The following CDH5 variants were observed in gnomAD, a reference collection of about 807,000 sequenced individuals.
CDH5 encodes the protein cadherin-5.
Under a neutral mutation model 62.0 loss-of-function variants are expected in CDH5, and 28 were observed. That is an observed-to-expected ratio of 0.45 (90% CI 0.33 to 0.62). The LOEUF is 0.62. CDH5 is among the 20% of genes least tolerant of loss of function. The pLI is 0.02. For synonymous variants in CDH5, 464 were observed against 445.8 expected (o/e 1.04, Z -0.52); for missense variants, 940 against 1,065.1 (o/e 0.88, Z 1.63).
chr16:66,403,979 G>A lies in CDH5; in HGVS notation c.*810G>A, dbSNP rs553864364. The A allele has an allele frequency of 3.7e-4, 56 of 152,880 alleles. No individual in the cohort carries two copies. Among genetic ancestry groups the A allele is most frequent in the Admixed American group, 7.8e-4 (12 of 15,310 alleles). 9.5% of individuals were successfully genotyped at this position (152,880 alleles called of 1,614,324 possible). Reference sequence around the variant, plus strand: ...ACCCACCCCCTCTGGAGAAGGCCTGGAAGAGCTGAGACCTTGCTTTGAGAC... The same window carrying A: ...ACCCACCCCCTCTGGAGAAGGCCTGAAAGAGCTGAGACCTTGCTTTGAGAC... On this transcript the variant is annotated 3_prime_UTR_variant, in exon 12 of 12. Coordinates refer to ENST00000341529, the MANE Select transcript of CDH5 (RefSeq NM_001795.5). This position sits in a 1 kb window ranked among gnomAD's most constrained non-coding sequence, Gnocchi z 4.3.
At chr16:66,366,862 C>T (rs974378400) in intron 1 of CDH5, 104 bp downstream of exon 1, 1 of 152,348 alleles carries the variant, frequency 6.6e-6, no homozygotes, top group African/African-American at 2.4e-5. Context: ...CATCGTCCCA[C>T]TCCCATGACA....
chr16:66,381,770 C>A (rs918292333), intron 2 of CDH5, among the ~76,000 whole-genome samples: 4 of 152,186 alleles, frequency 2.6e-5, no homozygotes, highest in African/African-American at 9.7e-5. Flanking sequence ...CCTGGACTTG[C>A]AAATAAAGTT....
At chr16:66,379,779 G>C (rs1960854578) in intron 2 of CDH5, among the ~76,000 whole-genome samples, 2 of 151,614 alleles carry the variant, frequency 1.3e-5, no homozygotes, top group African/African-American at 4.8e-5. Context: ...GTGAGGATGG[G>C]AAAGGCCAAG....
chr16:66,368,367 T>C (rs904881381), intron 1 of CDH5, among the ~76,000 whole-genome samples: 2 of 152,152 alleles, frequency 1.3e-5, no homozygotes, highest in African/African-American at 2.4e-5. Context: ...TTTCAGCTTA[T>C]GGTGGTGAGG....
Position 66,389,376 on chromosome 16 carries a change from C to A in CDH5, c.635C>A (p.Thr212Lys). The change falls in exon 5 of 12, where the codon ACG becomes AAG. Residue 212 changes from threonine (T) to lysine (K), a missense_variant. Thr to Lys is a moderately conservative substitution (Grantham distance 78). Coordinates refer to ENST00000341529, the MANE Select transcript of CDH5 (RefSeq NM_001795.5). ...TTTGCAGGACGTATTATCACAATAA[C>A]GAAAAGCTTGGACCGAGAGAAGCAG... ...IDNSGRIITI[T>K]KSLDREKQAR... 1 of 1,611,612 alleles carries A rather than the reference C, an allele frequency of 6.2e-7. No homozygotes were observed. The highest frequency in any genetic ancestry group is 8.5e-7 in the Non-Finnish European group (1 of 1,178,496).
intron 7 of CDH5, 83 bp downstream of exon 7, chr16:66,392,466 A>C: frequency 6.4e-7 from 1 of 1,552,322 alleles, no homozygotes; most frequent in Admixed American, 1.7e-5. Flanking sequence ...GCCAGGACTC[A>C]GAGAGGGGAA....
intron 2 of CDH5, among the ~76,000 whole-genome samples, chr16:66,382,958 G>A (rs998562114): frequency 2.6e-5 from 4 of 152,150 alleles, no homozygotes; most frequent in Non-Finnish European, 5.9e-5. Flanking sequence ...TAAATACAGT[G>A]ATCTTAGAAA....
rs767815644 is a variant in CDH5 at position 66,389,450 on chromosome 16, G to A, written c.709G>A (p.Gly237Arg). The A allele has an allele frequency of 1.9e-6, 3 of 1,613,316 alleles. No individual in the cohort carries two copies. The highest frequency in any genetic ancestry group is 3.3e-5 in the Admixed American group (2 of 59,946). ...VEARDAQGLRGDSGTATVLVT... is the reference protein window; with the variant it reads ...VEARDAQGLRRDSGTATVLVT... ...AGCGCGAGATGCCCAGGGCCTCCGG[G>A]GGGACTCGGGCACGGCCACCGTGCT... Residue 237 changes from glycine (G) to arginine (R), a missense_variant, in exon 5 of 12, where the codon GGG becomes AGG. Transcript: ENST00000341529.
chr16:66,375,543 A>AAAAAAT (rs1050740953), intron 1 of CDH5, among the ~76,000 whole-genome samples: 1 of 151,936 alleles, frequency 6.6e-6, no homozygotes, highest in Non-Finnish European at 1.5e-5. Context: ...ATAAAAAAGT[A>AAAAAAT]AAAAATAAAA....
At chr16:66,391,414 G>T (rs1372771245) in intron 6 of CDH5, among the ~76,000 whole-genome samples, 2 of 152,016 alleles carry the variant, frequency 1.3e-5, no homozygotes, top group Non-Finnish European at 2.9e-5. Context: ...GGCTTCCTGA[G>T]GGATGAGTAG....
chr16:66,371,799 GA>G (rs1960696703), intron 1 of CDH5, among the ~76,000 whole-genome samples: 1 of 152,042 alleles, frequency 6.6e-6, no homozygotes, highest in South Asian at 2.1e-4. Flanking sequence ...CCCAGGGGCT[GA>G]GGGGCTGGAC....
intron 2 of CDH5, among the ~76,000 whole-genome samples, chr16:66,382,016 G>A (rs773100443): frequency 2.4e-4 from 37 of 152,332 alleles, no homozygotes; most frequent in Non-Finnish European, 4.4e-4. Flanking sequence ...AAACAGGCTG[G>A]AGAGGAACTT....
At chr16:66,394,051 T>G (rs974746940) in intron 7 of CDH5, among the ~76,000 whole-genome samples, 2 of 152,172 alleles carry the variant, frequency 1.3e-5, no homozygotes, top group Admixed American at 6.5e-5. Context: ...GTGTTTTTTT[T>G]GTTTTGCTTT....
chr16:66,398,230 C>A, intron 9 of CDH5, 124 bp downstream of exon 9: 1 of 1,173,546 alleles, frequency 8.5e-7, no homozygotes, highest in Non-Finnish European at 1.3e-6. Context: ...TAACATTATG[C>A]CCATTTTACA....
Position 66,379,550 on chromosome 16 carries a change from A to C in CDH5, c.210+3A>C. ...CACTTCCCCATCATGTAGGCAAGGT[A>C]AGGCTCAAGCCCCAGGACAGGAGAA... On this transcript the variant is annotated splice_donor_region_variant and intron_variant, in intron 2 of 11. Coordinates refer to ENST00000341529, the MANE Select transcript of CDH5 (RefSeq NM_001795.5). 1 of 1,613,886 alleles carries C rather than the reference A, an allele frequency of 6.2e-7. No homozygotes were observed. The highest frequency in any genetic ancestry group is 8.5e-7 in the Non-Finnish European group (1 of 1,179,764).
intron 2 of CDH5, among the ~76,000 whole-genome samples, chr16:66,386,078 T>G (rs1169722662): frequency 6.6e-6 from 1 of 152,140 alleles, no homozygotes; most frequent in East Asian, 1.9e-4. Context: ...CAACTAAAAC[T>G]TAGAGAGGTT....
intron 1 of CDH5, among the ~76,000 whole-genome samples, chr16:66,375,912 A>G (rs926051714): frequency 6.6e-6 from 1 of 151,766 alleles, no homozygotes; most frequent in African/African-American, 2.4e-5. Flanking sequence ...TTTGAGACCA[A>G]CCTGGCCAAC....
intron 1 of CDH5, among the ~76,000 whole-genome samples, chr16:66,378,706 G>T (rs1014176162): frequency 6.6e-6 from 1 of 152,134 alleles, no homozygotes; most frequent in African/African-American, 2.4e-5. Context: ...CCCTCCTCTG[G>T]GCTCCCATAT....
rs541389817 is a variant in CDH5, at chr16:66,388,268, T to TG, written c.500-52dup. The TG allele has an allele frequency of 3.0e-4, 324 of 1,073,290 alleles. 1 individual carries two copies. The African/African-American group carries it at 4.3e-3, about 14-fold the overall frequency. 66.5% of individuals were successfully genotyped at this position (1,073,290 alleles called of 1,614,324 possible). A position where few individuals can be genotyped will look rare whatever the true frequency, so the allele number is the denominator to read the frequency against. On this transcript the variant is annotated intron_variant, in intron 3 of 11. Transcript: ENST00000341529. ...AGCCCCATCTGCTCTGTTCCAGGAA[T>TG]GGGGTAAGGGGCCTAGCAGTCACAA...
Sources: allele counts gnomAD v4.1 joint callset (sites outside exome capture counted in the v4.1 genomes callset), GRCh38; gene constraint gnomAD v4.1.1; non-coding constraint Gnocchi (gnomAD v3.1); transcripts MANE v1.5; gene names NCBI Gene and HGNC (gene_info 2026-07-23, HGNC 2026-07-21).